Variants in UGT8 observed in about 807,000 individuals in gnomAD.
UGT8 encodes the protein UDP glycosyltransferase 8.
A neutral mutation model predicts 40.5 loss-of-function variants in UGT8; 12 were observed. That is an observed-to-expected ratio of 0.30 (90% confidence interval 0.19 to 0.48). UGT8 has a LOEUF of 0.48. UGT8 is among the 20% of genes least tolerant of loss of function. The pLI is 0.99. For missense variants in UGT8, 513 were observed against 648.7 expected (o/e 0.79, Z 2.27); for synonymous variants, 224 against 240.4 (o/e 0.93, Z 0.63).
At position 114,668,076 on chromosome 4, in the gene UGT8, T is replaced by A; in HGVS notation, c.1043-9T>A. 6.2e-7 allele frequency: 1 copy of A among 1,611,030 alleles called. No homozygotes were observed. Among genetic ancestry groups the A allele is most frequent in the Middle Eastern group, 1.7e-4 (1 of 6,038 alleles). ...GTTGTAAGTTGTTTTCTTTTTCATC[T>A]TTCTTCAGGGCATTCAAAGATTAAA... On this transcript the variant is annotated splice_polypyrimidine_tract_variant and intron_variant, in intron 4 of 5. Transcript: ENST00000310836.
rs1236075600 is a variant in UGT8 at position 114,676,502 on chromosome 4, G to C, written c.*214G>C. 2.2e-6 allele frequency: 1 copy of C among 457,502 alleles called. No homozygotes were observed. The highest frequency in any genetic ancestry group is 2.0e-5 in the African/African-American group (1 of 50,370). The allele number at this position is 457,502 out of a possible 1,614,324, so 28.3% of individuals were successfully genotyped here. On this transcript the variant is annotated 3_prime_UTR_variant, in exon 6 of 6. Transcript: ENST00000310836. Reference sequence around the variant, plus strand: ...TTTTATTCAAATACTGATGTAGAGAGTTTTGGCACTGAACCTTTTAGAAGC... The same window carrying C: ...TTTTATTCAAATACTGATGTAGAGACTTTTGGCACTGAACCTTTTAGAAGC...
At chr4:114,655,545 A>T (rs997496881) in intron 2 of UGT8, among the ~76,000 whole-genome samples, 1 of 152,012 alleles carries the variant, frequency 6.6e-6, no homozygotes, top group African/African-American at 2.4e-5. Flanking sequence ...TAATATAACA[A>T]TCCCCAACTA....
At chr4:114,655,345 T>A (rs984596424) in intron 2 of UGT8, among the ~76,000 whole-genome samples, 1 of 151,852 alleles carries the variant, frequency 6.6e-6, no homozygotes, top group Non-Finnish European at 1.5e-5. Context: ...GGGTTTGGAG[T>A]AAGGGGAAGC....
chr4:114,661,862 G>C (rs1375029382), intron 2 of UGT8, among the ~76,000 whole-genome samples: 1 of 151,966 alleles, frequency 6.6e-6, no homozygotes. Flanking sequence ...ACTCTTTCAC[G>C]TATCAGTAAA....
intron 2 of UGT8, among the ~76,000 whole-genome samples, chr4:114,644,127 C>T (rs199708911): frequency 2.0e-5 from 3 of 152,078 alleles, no homozygotes; most frequent in Non-Finnish European, 4.4e-5. Flanking sequence ...AGAAATAGTT[C>T]TTTTGGGGCC....
At position 114,623,068 on chromosome 4, in the gene UGT8, C is replaced by T. The variant is rs765219145; in HGVS notation, c.188C>T (p.Ala63Val). 3.1e-6 allele frequency: 5 copies of T among 1,614,106 alleles called. No individual in the cohort carries two copies. The South Asian group carries it at 5.5e-5, about 18-fold the overall frequency. ...CTCCTCTCTGAAGGCAGAGACATCG[C>T]CCCATCTAATCATTACAGCCTCCAG... ...VFLLSEGRDI[A>V]PSNHYSLQRY... The change falls in exon 2 of 6, where the codon GCC (alanine) becomes GTC (valine). Residue 63 changes from alanine (A) to valine (V), a missense_variant. By Grantham distance (64) the Ala-to-Val change is moderately conservative (BLOSUM62 0). Around this residue, in one of 3 missense-constraint regions of UGT8, gnomAD observed 335 missense variants for 444.8 expected, o/e 0.75. Coordinates refer to ENST00000310836, the MANE Select transcript of UGT8 (RefSeq NM_001128174.3).
At chr4:114,664,264 A>G in intron 3 of UGT8, 127 bp downstream of exon 3, 2 of 1,052,922 alleles carry the variant, frequency 1.9e-6, no homozygotes, top group Non-Finnish European at 2.7e-6. Context: ...CTTGACTTTC[A>G]TTTTGTTTCT....
chr4:114,628,876 A>G (rs1235930976), intron 2 of UGT8, among the ~76,000 whole-genome samples: 1 of 150,450 alleles, frequency 6.6e-6, no homozygotes, highest in Non-Finnish European at 1.5e-5. Flanking sequence ...TGAGAGATTG[A>G]GCAACAGAGT....
intron 1 of UGT8, among the ~76,000 whole-genome samples, chr4:114,608,668 G>C (rs1012295043): frequency 6.6e-6 from 1 of 152,100 alleles, no homozygotes; most frequent in Non-Finnish European, 1.5e-5. Context: ...AATTATAATG[G>C]TTTAGTGGGT....
intron 2 of UGT8, 35 bp downstream of exon 2, chr4:114,623,737 T>C: frequency 6.5e-7 from 1 of 1,548,446 alleles, no homozygotes; most frequent in Non-Finnish European, 8.7e-7. Context: ...AATTCTTTTT[T>C]AATGTAAAAG....
intron 3 of UGT8, among the ~76,000 whole-genome samples, chr4:114,664,943 C>T (rs28635625): frequency 0.033 from 4,995 of 152,254 alleles, 259 homozygotes; most frequent in African/African-American, 0.11. Context: ...TCCCACTTCT[C>T]CTGGCTGAAC....
chr4:114,602,007 C>T (rs1033358681), intron 1 of UGT8, among the ~76,000 whole-genome samples: 1 of 152,012 alleles, frequency 6.6e-6, no homozygotes, highest in African/African-American at 2.4e-5. Context: ...AGTTTACGTG[C>T]TTTATTTGTG....
chr4:114,639,149 A>G (rs184491840), intron 2 of UGT8, among the ~76,000 whole-genome samples: 1 of 152,196 alleles, frequency 6.6e-6, no homozygotes, highest in Non-Finnish European at 1.5e-5. Flanking sequence ...TGTGATTCCA[A>G]TGTCCTTTCC....
chr4:114,614,873 G>A (rs998871842), intron 1 of UGT8, among the ~76,000 whole-genome samples: 2 of 139,042 alleles, frequency 1.4e-5, no homozygotes, highest in Non-Finnish European at 3.1e-5. Context: ...GCAGGTGGAA[G>A]TTTTAACCAA....
At chr4:114,656,255 A>T (rs1037015179) in intron 2 of UGT8, among the ~76,000 whole-genome samples, 1 of 152,144 alleles carries the variant, frequency 6.6e-6, no homozygotes, top group Non-Finnish European at 1.5e-5. Context: ...ACTGATTATC[A>T]TGAAAAAAAT....
chr4:114,642,164 G>C (rs980518952), intron 2 of UGT8, among the ~76,000 whole-genome samples: 3 of 151,934 alleles, frequency 2.0e-5, no homozygotes, highest in Non-Finnish European at 4.4e-5. Flanking sequence ...ATGCAGCAAC[G>C]TGTAGCTGAA....
intron 2 of UGT8, among the ~76,000 whole-genome samples, chr4:114,648,141 T>A (rs1216653225): frequency 6.6e-6 from 1 of 152,166 alleles, no homozygotes; most frequent in Non-Finnish European, 1.5e-5. Context: ...TCCCTTTATT[T>A]CTCTTCATTG....
chr4:114,661,929 A>G lies in UGT8; in HGVS notation c.823-2066A>G, dbSNP rs188164326. On this transcript the variant is annotated intron_variant, in intron 2 of 5. Coordinates refer to ENST00000310836, the MANE Select transcript of UGT8 (RefSeq NM_001128174.3). Reference sequence around the variant, plus strand: ...TATTCATATGATTTTACCGTGTAGCATTTATGTTTAAGTACATCTAACTTA... The same window carrying G: ...TATTCATATGATTTTACCGTGTAGCGTTTATGTTTAAGTACATCTAACTTA... 7.9e-5 allele frequency among the ~76,000 whole-genome samples: 12 copies of G among 152,310 alleles called. No individual in the cohort carries two copies. In the South Asian group the frequency reaches 1.0e-3, roughly 13 times the overall value.
At chr4:114,648,504 C>T (rs1733716104) in intron 2 of UGT8, among the ~76,000 whole-genome samples, 2 of 151,062 alleles carry the variant, frequency 1.3e-5, no homozygotes, top group Admixed American at 6.6e-5. Context: ...AATGAGACTT[C>T]AGGTATATAT....
Sources: allele counts gnomAD v4.1 joint callset (sites outside exome capture counted in the v4.1 genomes callset), GRCh38; gene constraint gnomAD v4.1.1; regional missense constraint gnomAD v4.1.1; transcripts MANE v1.5; gene names NCBI Gene and HGNC (gene_info 2026-07-23, HGNC 2026-07-21).